STAC: variants seen among roughly 807,000 people sequenced by gnomAD.
STAC encodes SH3 and cysteine rich domain.
A neutral mutation model predicts 48.8 loss-of-function variants in STAC; 43 were observed. The observed-to-expected ratio is 0.88, with a 90% confidence interval of 0.69 to 1.14. STAC has a LOEUF of 1.14. Among genes scored for constraint, STAC ranks in the 50% most tolerant of loss-of-function variants. The pLI, the probability that STAC is intolerant of heterozygous loss-of-function variation, is 0.00. For missense variants in STAC, 497 were observed against 504.0 expected (o/e 0.99, Z 0.13); for synonymous variants, 193 against 179.5 (o/e 1.07, Z -0.60).
chr3:36,536,773 A>G (rs1181557787), intron 10 of STAC, among the ~76,000 whole-genome samples: 1 of 152,026 alleles, frequency 6.6e-6, no homozygotes, highest in Non-Finnish European at 1.5e-5. Flanking sequence ...ATTGCAATCT[A>G]CCCATATGAC....
chr3:36,419,751 A>G (rs1184386583), intron 1 of STAC, among the ~76,000 whole-genome samples: 1 of 152,200 alleles, frequency 6.6e-6, no homozygotes, highest in Non-Finnish European at 1.5e-5. Context: ...CTTTAGGCAG[A>G]TAAGAGGACT....
intron 1 of STAC, among the ~76,000 whole-genome samples, chr3:36,420,634 C>T (rs986125251): frequency 6.6e-6 from 1 of 152,204 alleles, no homozygotes; most frequent in South Asian, 2.1e-4. Context: ...TGAGGTGGAA[C>T]ACTTTCATCC....
At chr3:36,451,137 T>C (rs1696665524) in intron 2 of STAC, among the ~76,000 whole-genome samples, 1 of 152,214 alleles carries the variant, frequency 6.6e-6, no homozygotes, top group African/African-American at 2.4e-5. Flanking sequence ...ATTTTGTGTG[T>C]GTGTACTGTG....
intron 1 of STAC, among the ~76,000 whole-genome samples, chr3:36,383,069 C>T (rs767092469): frequency 4.5e-4 from 69 of 152,036 alleles, no homozygotes; most frequent in Non-Finnish European, 2.2e-4. Context: ...TTGAACAGTC[C>T]AGACATAAAT....
Position 36,547,985 on chromosome 3 carries a change from T to A in STAC, c.*1696T>A, listed in dbSNP as rs1219083059. 1 of 152,016 alleles carries A rather than the reference T, an allele frequency of 6.6e-6. No homozygotes were observed. The highest frequency in any genetic ancestry group is 1.5e-5 in the Non-Finnish European group (1 of 67,944). 9.4% of individuals were successfully genotyped at this position (152,016 alleles called of 1,614,324 possible). On this transcript the variant is annotated 3_prime_UTR_variant, in exon 11 of 11. Coordinates refer to ENST00000273183, the MANE Select transcript of STAC (RefSeq NM_003149.3). ...ATTCCATTTAATAAAAACAATACAG[T>A]GGCTGGAAAGGAGCATCAGAAACAT...
At chr3:36,380,838 A>G (rs1699493943) in intron 1 of STAC, 84 bp downstream of exon 1, 1 of 1,074,354 alleles carries the variant, frequency 9.3e-7, no homozygotes, top group Non-Finnish European at 1.4e-6. Flanking sequence ...CCTATCTAGC[A>G]CGGGCGTGGG....
chr3:36,480,735 T>C (rs1697620962), intron 2 of STAC, among the ~76,000 whole-genome samples: 1 of 152,198 alleles, frequency 6.6e-6, no homozygotes, highest in Admixed American at 6.5e-5. Context: ...CCCTTTCAGC[T>C]CTTGAATACT....
At chr3:36,441,831 A>AT (rs1482299784) in intron 1 of STAC, among the ~76,000 whole-genome samples, 3 of 152,118 alleles carry the variant, frequency 2.0e-5, no homozygotes, top group Non-Finnish European at 4.4e-5. Flanking sequence ...TTCCCTGATG[A>AT]TTAGTGATGT....
intron 8 of STAC, among the ~76,000 whole-genome samples, chr3:36,517,688 A>G (rs1331679365): frequency 6.6e-6 from 1 of 152,158 alleles, no homozygotes; most frequent in African/African-American, 2.4e-5. Flanking sequence ...AATTAATGAA[A>G]ATAGAATACA....
chr3:36,405,162 C>T (rs1250595783), intron 1 of STAC, among the ~76,000 whole-genome samples: 1 of 152,180 alleles, frequency 6.6e-6, no homozygotes, highest in Non-Finnish European at 1.5e-5. Context: ...TTGCACCAAG[C>T]TGCTGGCCTC....
chr3:36,410,457 C>G (rs75344114), intron 1 of STAC, among the ~76,000 whole-genome samples: 74 of 152,288 alleles, frequency 4.9e-4, no homozygotes, highest in Non-Finnish European at 8.7e-4. Context: ...AACAAAGAGG[C>G]TAATAGAACT....
intron 1 of STAC, among the ~76,000 whole-genome samples, chr3:36,390,472 T>TG (rs1491223945): frequency 1.6e-5 from 2 of 123,956 alleles, no homozygotes; most frequent in African/African-American, 6.6e-5. Context: ...TTTTTTTTTT[T>TG]GTCCTTTGGT....
In STAC at chr3:36,439,839, G is replaced by GCTAT. The variant is rs1575200762; in HGVS notation, c.112-3524_112-3521dup. Among the ~76,000 whole-genome samples the GCTAT allele has an allele frequency of 2.0e-5, 3 of 152,114 alleles. No homozygotes were observed. In the East Asian group the frequency reaches 5.8e-4, roughly 29 times the overall value. On this transcript the variant is annotated intron_variant, in intron 1 of 10. Coordinates refer to ENST00000273183, the MANE Select transcript of STAC (RefSeq NM_003149.3). ...ATGAGGTGTCCTCTTCAAAACCAATGCTATGCTCCCAAGGACACAGGACTC... is the reference window on the plus strand; with the variant it reads ...ATGAGGTGTCCTCTTCAAAACCAATGCTATCTATGCTCCCAAGGACACAGGACTC...
At chr3:36,461,104 A>G (rs1260103612) in intron 2 of STAC, among the ~76,000 whole-genome samples, 1 of 152,180 alleles carries the variant, frequency 6.6e-6, no homozygotes, top group Non-Finnish European at 1.5e-5. Flanking sequence ...ACATGTATGT[A>G]TATGCATATT....
At chr3:36,456,603 A>C (rs2125680204) in intron 2 of STAC, among the ~76,000 whole-genome samples, 1 of 152,260 alleles carries the variant, frequency 6.6e-6, no homozygotes, top group South Asian at 2.1e-4. Flanking sequence ...AACTGCCAGA[A>C]GTTTGCTGCC....
chr3:36,416,996 G>A (rs1227998089), intron 1 of STAC, among the ~76,000 whole-genome samples: 1 of 152,072 alleles, frequency 6.6e-6, no homozygotes, highest in East Asian at 1.9e-4. Context: ...TTCACATTAG[G>A]CACTTTTTTT....
chr3:36,444,107 T>C (rs1212914354), intron 2 of STAC, among the ~76,000 whole-genome samples: 1 of 152,178 alleles, frequency 6.6e-6, no homozygotes, highest in Non-Finnish European at 1.5e-5. Context: ...TTGCCAAGGC[T>C]CAGTTAAGGG....
intron 1 of STAC, among the ~76,000 whole-genome samples, chr3:36,436,489 C>G (rs1040281759): frequency 6.6e-6 from 1 of 152,180 alleles, no homozygotes; most frequent in Admixed American, 6.5e-5. Context: ...CGTTCTTAAC[C>G]AGACGCACCG....
At chr3:36,406,015 A>C (rs1700081881) in intron 1 of STAC, among the ~76,000 whole-genome samples, 1 of 152,166 alleles carries the variant, frequency 6.6e-6, no homozygotes, top group Non-Finnish European at 1.5e-5. Context: ...GAGCCACAAC[A>C]ACTAGCAGAT....
Sources: gnomAD v4.1 joint callset for allele counts (sites outside exome capture counted in the v4.1 genomes callset) on GRCh38, gnomAD v4.1.1 for gene constraint, MANE v1.5 for transcripts, NCBI Gene and HGNC (gene_info 2026-07-23, HGNC 2026-07-21) for gene names.